Variants in CNTN3 observed in about 807,000 individuals in gnomAD.
The protein encoded by CNTN3 is contactin 3, also known as contactin-3.
CNTN3 carries 60 observed loss-of-function variants against 119.1 expected under a neutral mutation model. The observed-to-expected ratio is 0.50, with a 90% confidence interval of 0.41 to 0.62. CNTN3 has a LOEUF of 0.62. CNTN3 is among the 20% of genes least tolerant of loss of function. The pLI, the probability that CNTN3 is intolerant of heterozygous loss-of-function variation, is 0.00. For synonymous variants in CNTN3, 450 were observed against 438.7 expected (o/e 1.03, Z -0.32); for missense variants, 1,101 against 1,242.4 (o/e 0.89, Z 1.71).
intron 4 of CNTN3, among the ~76,000 whole-genome samples, chr3:74,456,365 C>A (rs13065506): frequency 0.5 from 76,360 of 151,788 alleles, 19,600 homozygotes; most frequent in Non-Finnish European, 0.55. Flanking sequence ...ATTGCAGTAG[C>A]ATGAAATGTG....
intron 4 of CNTN3, among the ~76,000 whole-genome samples, chr3:74,456,111 T>C (rs1279893015): frequency 6.6e-6 from 1 of 152,100 alleles, no homozygotes; most frequent in Admixed American, 6.6e-5. Context: ...TATACTTACA[T>C]AGGCTTGAAC....
chr3:74,457,271 G>T (rs1702287183), intron 4 of CNTN3, among the ~76,000 whole-genome samples: 1 of 151,908 alleles, frequency 6.6e-6, no homozygotes, highest in Admixed American at 6.6e-5. Flanking sequence ...TACTCCTAAT[G>T]GGAAACAGTT....
intron 4 of CNTN3, among the ~76,000 whole-genome samples, chr3:74,425,896 A>C (rs1701688031): frequency 6.6e-6 from 1 of 152,176 alleles, no homozygotes; most frequent in Non-Finnish European, 1.5e-5. Flanking sequence ...TCAAAGGATA[A>C]CAGTAATTTA....
intron 4 of CNTN3, among the ~76,000 whole-genome samples, chr3:74,467,358 G>A (rs1702479982): frequency 1.3e-5 from 2 of 152,070 alleles, no homozygotes; most frequent in Non-Finnish European, 2.9e-5. Context: ...TAACAAAAAT[G>A]GTGGGGGATG....
chr3:74,580,268 A>G (rs1290029190), intron 1 of CNTN3, among the ~76,000 whole-genome samples: 2 of 152,210 alleles, frequency 1.3e-5, no homozygotes, highest in Admixed American at 6.5e-5. Context: ...CTTCCCATAA[A>G]GAGTGCTTCA....
At chr3:74,311,008 C>T (rs191391193) in intron 13 of CNTN3, among the ~76,000 whole-genome samples, 26 of 152,274 alleles carry the variant, frequency 1.7e-4, no homozygotes, top group East Asian at 5.8e-4. Context: ...GGTATTTATT[C>T]GCCAAGATTC....
intron 2 of CNTN3, among the ~76,000 whole-genome samples, chr3:74,515,553 A>T (rs1229664644): frequency 1.3e-5 from 2 of 152,072 alleles, no homozygotes; most frequent in Non-Finnish European, 2.9e-5. Flanking sequence ...TGACGCAAGA[A>T]ACCATTAGTA....
chr3:74,408,589 G>A (rs978443585), intron 5 of CNTN3, among the ~76,000 whole-genome samples: 4 of 152,086 alleles, frequency 2.6e-5, no homozygotes, highest in African/African-American at 7.2e-5. Context: ...GCCAGATCTC[G>A]AGGGCCATTC....
intron 13 of CNTN3, among the ~76,000 whole-genome samples, chr3:74,321,098 T>A (rs1199038604): frequency 1.3e-5 from 2 of 152,020 alleles, no homozygotes; most frequent in African/African-American, 4.8e-5. Context: ...TACATGAACA[T>A]ACATATAAGA....
chr3:74,409,613 G>T (rs1230608980), intron 5 of CNTN3, among the ~76,000 whole-genome samples: 1 of 151,894 alleles, frequency 6.6e-6, no homozygotes, highest in Non-Finnish European at 1.5e-5. Flanking sequence ...ACAAGAACTG[G>T]AAGTTCACAA....
At chr3:74,371,997 G>C (rs1364510494) in intron 5 of CNTN3, among the ~76,000 whole-genome samples, 4 of 152,032 alleles carry the variant, frequency 2.6e-5, no homozygotes, top group Non-Finnish European at 5.9e-5. Flanking sequence ...ACCTTCAAAT[G>C]GTTTTCAAAG....
At chr3:74,435,812 C>T (rs1382375177) in intron 4 of CNTN3, among the ~76,000 whole-genome samples, 1 of 152,168 alleles carries the variant, frequency 6.6e-6, no homozygotes, top group Non-Finnish European at 1.5e-5. Context: ...CATCCAGTCC[C>T]ATTGATTTCA....
intron 20 of CNTN3, among the ~76,000 whole-genome samples, chr3:74,273,840 C>A (rs925503574): frequency 6.6e-6 from 1 of 152,100 alleles, no homozygotes; most frequent in Non-Finnish European, 1.5e-5. Context: ...GTGAATCTGG[C>A]GTGCAGACTT....
At chr3:74,534,224 C>G (rs1703730850) in intron 1 of CNTN3, among the ~76,000 whole-genome samples, 1 of 151,936 alleles carries the variant, frequency 6.6e-6, no homozygotes, top group Non-Finnish European at 1.5e-5. Context: ...AAATTCCAAA[C>G]AAATTAAAAG....
chr3:74,323,380 T>C (rs548671383), intron 13 of CNTN3, among the ~76,000 whole-genome samples: 3 of 152,214 alleles, frequency 2.0e-5, no homozygotes, highest in Non-Finnish European at 4.4e-5. Flanking sequence ...ATATGAAATG[T>C]CCAGAATATG....
intron 8 of CNTN3, among the ~76,000 whole-genome samples, chr3:74,368,855 T>C (rs1704264854): frequency 6.6e-6 from 1 of 151,914 alleles, no homozygotes; most frequent in South Asian, 2.1e-4. Flanking sequence ...CAAAACCTGT[T>C]TTCTAGAGGA....
chr3:74,591,090 C>T (rs149924413), intron 1 of CNTN3, among the ~76,000 whole-genome samples: 128 of 151,946 alleles, frequency 8.4e-4, no homozygotes, highest in African/African-American at 2.2e-3. Flanking sequence ...GGTGTAGTCA[C>T]GGCTAATCAT....
chr3:74,420,937 C>T (rs1701606513), intron 5 of CNTN3, among the ~76,000 whole-genome samples: 1 of 152,152 alleles, frequency 6.6e-6, no homozygotes, highest in Non-Finnish European at 1.5e-5. Flanking sequence ...CATTTCTAAG[C>T]AGGAAGTCTG....
chr3:74,445,516 G>A (rs552837014), intron 4 of CNTN3, among the ~76,000 whole-genome samples: 7 of 152,020 alleles, frequency 4.6e-5, no homozygotes, highest in Non-Finnish European at 1.0e-4. Context: ...CATGTACCAC[G>A]GCCTCCCAAA....
Sources: gnomAD v4.1 joint callset for allele counts (sites outside exome capture counted in the v4.1 genomes callset) on GRCh38, gnomAD v4.1.1 for gene constraint, MANE v1.5 for transcripts, NCBI Gene and HGNC (gene_info 2026-07-23, HGNC 2026-07-21) for gene names.